OPTC: variants seen among roughly 807,000 people sequenced by gnomAD.
The protein encoded by OPTC is oculoglycan.
In OPTC, 22 loss-of-function variants were observed where a neutral mutation model predicts 25.4. The ratio of observed to expected loss-of-function variants is 0.87; its 90% confidence interval spans 0.62 to 1.24. The LOEUF (loss-of-function observed/expected upper bound fraction) is 1.24, where lower values mean the gene tolerates loss of function less well. OPTC is among the 50% of genes most tolerant of loss of function. The pLI, the probability that OPTC is intolerant of heterozygous loss-of-function variation, is 0.00. For synonymous variants in OPTC, 169 were observed against 179.3 expected, an observed-to-expected ratio of 0.94 and a Z score of 0.46; for missense variants, 417 against 425.2, an observed-to-expected ratio of 0.98 and a Z score of 0.17.
Position 203,503,638 on chromosome 1 carries a change from T to C in OPTC, c.917T>C (p.Leu306Pro), listed in dbSNP as rs1661428294. 1 of 1,613,622 alleles carries C rather than the reference T, an allele frequency of 6.2e-7. No homozygotes were observed. Among genetic ancestry groups the C allele is most frequent in the Non-Finnish European group, 8.5e-7 (1 of 1,180,032 alleles). The change falls in exon 7 of 8, where the codon CTG becomes CCG. Residue 306 changes from leucine to proline, a missense_variant. By Grantham distance (98) the Leu-to-Pro change is moderately conservative. Coordinates refer to ENST00000367222, the MANE Select transcript of OPTC (RefSeq NM_014359.4). Reference sequence around the variant, plus strand: ...CGCAGGCAGCTGGAAGACATCCGCCTGGATGGCAACCCCATCAACCTCAGC... The same window carrying C: ...CGCAGGCAGCTGGAAGACATCCGCCCGGATGGCAACCCCATCAACCTCAGC... ...HTRRQLEDIR[L>P]DGNPINLSLF... is the part of the protein sequence containing the mutation.
chr1:203,496,937 C>T, intron 2 of OPTC, 40 bp from the exon 3 acceptor site: 2 of 1,613,240 alleles, frequency 1.2e-6, no homozygotes, highest in Non-Finnish European at 1.7e-6. Context: ...CCCTTTTGTG[C>T]AAAAGCTGGG....
At chr1:203,500,875 G>A (rs905790663) in intron 5 of OPTC, among the ~76,000 whole-genome samples, 1 of 152,136 alleles carries the variant, frequency 6.6e-6, no homozygotes, top group Non-Finnish European at 1.5e-5. Flanking sequence ...TGGGACACAC[G>A]GCCTCTTGTC....
chr1:203,502,027 A>C (rs4481909), intron 5 of OPTC, among the ~76,000 whole-genome samples: 86,990 of 151,856 alleles, frequency 0.57, 25,606 homozygotes, highest in East Asian at 0.8. Flanking sequence ...CCTCTCTGAC[A>C]TTGTTTTCTC....
At chr1:203,503,479 A>G in intron 6 of OPTC, 71 bp from the exon 7 acceptor site, 1 of 1,478,598 alleles carries the variant, frequency 6.8e-7, no homozygotes, top group Non-Finnish European at 9.4e-7. Flanking sequence ...GGGACAGCTG[A>G]TGTGAGCCTT....
chr1:203,507,634 G>A (rs1054112756), intron 7 of OPTC, among the ~76,000 whole-genome samples: 1 of 152,216 alleles, frequency 6.6e-6, no homozygotes, highest in South Asian at 2.1e-4. Flanking sequence ...CCTGTCCTAT[G>A]AGTATCAGCG....
intron 5 of OPTC, among the ~76,000 whole-genome samples, chr1:203,501,656 G>A (rs779276456): frequency 6.6e-6 from 1 of 152,180 alleles, no homozygotes; most frequent in Non-Finnish European, 1.5e-5. Context: ...AGAGCACAGA[G>A]GCACACCTGC....
intron 1 of OPTC, among the ~76,000 whole-genome samples, chr1:203,494,426 G>A (rs966746800): frequency 2.0e-5 from 3 of 152,168 alleles, no homozygotes; most frequent in Non-Finnish European, 4.4e-5. Flanking sequence ...TGGGAGGTAA[G>A]GTGAAGAAAC....
intron 5 of OPTC, among the ~76,000 whole-genome samples, chr1:203,502,239 C>G (rs965505111): frequency 2.0e-5 from 3 of 152,180 alleles, no homozygotes; most frequent in South Asian, 2.1e-4. Flanking sequence ...CTGTCTAATT[C>G]TGAGAGCACG....
At position 203,497,068 on chromosome 1, in the gene OPTC, C is replaced by A. The variant is rs199853181; in HGVS notation, c.323C>A (p.Thr108Asn). 5.0e-6 allele frequency: 8 copies of A among 1,613,960 alleles called. No individual in the cohort carries two copies. Among genetic ancestry groups the A allele is most frequent in the Non-Finnish European group, 5.9e-6 (7 of 1,180,018 alleles). The change falls in exon 3 of 8, where the codon ACC (threonine) becomes AAC (asparagine). Residue 108 changes from threonine to asparagine, a missense_variant. Coordinates refer to ENST00000367222, the MANE Select transcript of OPTC (RefSeq NM_014359.4). ...ACACCCTCGTCAAACCCCACGATGACCAGACCTACTACAGCAGGGCTGCTA... is the reference window on the plus strand; with the variant it reads ...ACACCCTCGTCAAACCCCACGATGAACAGACCTACTACAGCAGGGCTGCTA... The part of the protein sequence containing the change: ...PGTPSSNPTM[T>N]RPTTAGLLLS...
rs114392920 is a variant in OPTC, at chr1:203,497,033, G to T, written c.288G>T (p.Thr96=). 1.9e-6 allele frequency: 3 copies of T among 1,614,030 alleles called. No homozygotes were observed. The South Asian group carries it at 3.3e-5, about 18-fold the overall frequency. The change falls in exon 3 of 8, where the codon ACG becomes ACT. Residue 96 remains threonine (T), a synonymous_variant. Transcript: ENST00000367222. The part of the protein sequence containing the change: ...ATSISPAKST[T]APGTPSSNPT... ...GCATCAGTCCCGCCAAGAGCACTAC[G>T]GCTCCAGGGACACCCTCGTCAAACC...
intron 6 of OPTC, 131 bp downstream of exon 6, chr1:203,503,140 T>C (rs1415024736): frequency 1.4e-6 from 1 of 736,812 alleles, no homozygotes; most frequent in African/African-American, 1.7e-5. Flanking sequence ...GGAGGGTTTA[T>C]TGGAGACAAG....
At chr1:203,498,614 G>C in intron 3 of OPTC, 67 bp from the exon 4 acceptor site, 1 of 1,595,786 alleles carries the variant, frequency 6.3e-7, no homozygotes, top group Admixed American at 1.7e-5. Context: ...GACACTCCCT[G>C]GGGCGAGGGC....
At chr1:203,497,191 C>A in intron 3 of OPTC, 76 bp downstream of exon 3, 1 of 1,543,686 alleles carries the variant, frequency 6.5e-7, no homozygotes, top group South Asian at 1.1e-5. Context: ...CAGGGGGTAC[C>A]AAAGTGGAAC....
chr1:203,500,374 C>T (rs1446386636), intron 5 of OPTC, among the ~76,000 whole-genome samples: 1 of 126,642 alleles, frequency 7.9e-6, no homozygotes, highest in Non-Finnish European at 1.7e-5. Flanking sequence ...GCCACCTCTA[C>T]CACCCACCTG....
intron 5 of OPTC, 54 bp from the exon 6 acceptor site, chr1:203,502,858 ACT>A: frequency 7.3e-7 from 1 of 1,373,220 alleles, no homozygotes; most frequent in Non-Finnish European, 1.0e-6. Context: ...AGCCCTCCTC[ACT>A]GCCAGGGTCC....
At chr1:203,497,391 C>T (rs148707823) in intron 3 of OPTC, among the ~76,000 whole-genome samples, 1 of 152,302 alleles carries the variant, frequency 6.6e-6, no homozygotes, top group Non-Finnish European at 1.5e-5. Flanking sequence ...CCTAGCAAAG[C>T]CACCCTGCCT....
rs544125808 is a variant in OPTC, at chr1:203,506,594, C to T, written c.*26-2052C>T. ...TACAGAAAGTCACCTGGCTCCTGCT[C>T]TATTGTGGGACAGGAGATCTAACAA... On this transcript the variant is annotated intron_variant, in intron 7 of 7. Coordinates refer to ENST00000367222, the MANE Select transcript of OPTC (RefSeq NM_014359.4). Among the ~76,000 whole-genome samples the T allele has an allele frequency of 2.0e-5, 3 of 152,266 alleles. No individual in the cohort carries two copies. In the East Asian group the frequency reaches 5.8e-4, roughly 29 times the overall value.
At chr1:203,496,867 A>G (rs1661288811) in intron 2 of OPTC, 110 bp from the exon 3 acceptor site, 1 of 1,160,274 alleles carries the variant, frequency 8.6e-7, no homozygotes, top group Admixed American at 1.7e-5. Flanking sequence ...CTCCTCCTCC[A>G]CAGTGACTCT....
Position 203,499,871 on chromosome 1 carries a change from C to A in OPTC, c.732+20C>A. ...TTCAGGGTGAGTCAAGGCCTTAGAT[C>A]CACTATCTATCACCTCCACCACCCA... On this transcript the variant is annotated intron_variant, in intron 5 of 7. Transcript: ENST00000367222. 1 of 1,599,888 alleles carries A rather than the reference C, an allele frequency of 6.3e-7. No individual in the cohort carries two copies. The highest frequency in any genetic ancestry group is 8.5e-7 in the Non-Finnish European group (1 of 1,173,262).
Sources: allele counts gnomAD v4.1 joint callset (sites outside exome capture counted in the v4.1 genomes callset), GRCh38; gene constraint gnomAD v4.1.1; transcripts MANE v1.5; gene names NCBI Gene and HGNC (gene_info 2026-07-23, HGNC 2026-07-21).